Variants in TBL1XR1 observed in about 807,000 individuals in gnomAD.
TBL1XR1 encodes the protein TBL1X/Y related 1.
In TBL1XR1, 5 loss-of-function variants were observed where a neutral mutation model predicts 66.9. The ratio of observed to expected loss-of-function variants is 0.07; its 90% CI spans 0.04 to 0.16. The LOEUF (loss-of-function observed/expected upper bound fraction) is 0.16. Ranked by LOEUF, TBL1XR1 falls within the 10% of genes least tolerant of loss-of-function variation. The probability of loss-of-function intolerance (pLI) is 1.00; values close to 1 mark genes in which losing one functional copy is unlikely to be tolerated. For missense variants in TBL1XR1, 238 were observed against 623.2 expected (o/e 0.38, Z 6.58); for synonymous variants, 210 against 206.0 (o/e 1.02, Z -0.17).
At chr3:177,182,458 T>C (rs543456064) in intron 1 of TBL1XR1, among the ~76,000 whole-genome samples, 147 of 152,302 alleles carry the variant, frequency 9.7e-4, no homozygotes, top group African/African-American at 3.4e-3. Flanking sequence ...ACTGGATGTA[T>C]CTCCTTTCCA....
At chr3:177,145,620 A>G (rs541969479) in intron 1 of TBL1XR1, among the ~76,000 whole-genome samples, 2 of 152,378 alleles carry the variant, frequency 1.3e-5, no homozygotes, top group African/African-American at 4.8e-5. Context: ...CATGTACTTG[A>G]AAAGTGAAAC....
chr3:177,131,294 T>TAA, intron 1 of TBL1XR1: 6 of 977,750 alleles, frequency 6.1e-6, no homozygotes, highest in Non-Finnish European at 7.3e-6. Context: ...TGCCTAATCA[T>TAA]AAAGACCCTT....
At chr3:177,035,885 G>A (rs1180141441) in intron 12 of TBL1XR1, among the ~76,000 whole-genome samples, 2 of 152,168 alleles carry the variant, frequency 1.3e-5, no homozygotes, top group African/African-American at 2.4e-5. Flanking sequence ...CCGCTAGTGA[G>A]ACTCAAATTT....
chr3:177,037,084 A>G (rs545876535), intron 12 of TBL1XR1, among the ~76,000 whole-genome samples: 1 of 152,330 alleles, frequency 6.6e-6, no homozygotes. Context: ...GGATGTTGGT[A>G]TGTCAACTAG....
rs1717405039 is a variant in TBL1XR1, at chr3:177,053,636, A to G, written c.204+137T>C. 6 of 788,188 alleles carry G rather than the reference A, an allele frequency of 7.6e-6. No individual in the cohort carries two copies. The South Asian group carries it at 8.9e-5, about 12-fold the overall frequency. The allele number at this position is 788,188 out of a possible 1,614,324, so 48.8% of individuals were successfully genotyped here. A position where few individuals can be genotyped will look rare whatever the true frequency, so the allele number is the denominator to read the frequency against. ...ACCTTGCCGGTGCAACCTGACTACC[A>G]CATTAGGGATGAACTGCCTGCACTT... On this transcript the variant is annotated intron_variant, in intron 4 of 15. Transcript: ENST00000457928.
intron 1 of TBL1XR1, among the ~76,000 whole-genome samples, chr3:177,190,200 T>G (rs946659343): frequency 6.7e-6 from 1 of 148,552 alleles, no homozygotes; most frequent in Non-Finnish European, 1.5e-5. Context: ...CCTAACTACC[T>G]GACACATATA....
chr3:177,040,841 T>A (rs1438942686), intron 10 of TBL1XR1, among the ~76,000 whole-genome samples: 1 of 152,104 alleles, frequency 6.6e-6, no homozygotes, highest in African/African-American at 2.4e-5. Context: ...AGGACACCAC[T>A]TGGATAGAGT....
chr3:177,146,556 C>CTCCA (rs1730270168), intron 1 of TBL1XR1, among the ~76,000 whole-genome samples: 1 of 125,904 alleles, frequency 7.9e-6, no homozygotes, highest in African/African-American at 3.0e-5. Flanking sequence ...CGCCACTGCA[C>CTCCA]TCCAGCCTGG....
At chr3:177,143,647 T>C (rs1389538089) in intron 1 of TBL1XR1, among the ~76,000 whole-genome samples, 1 of 152,218 alleles carries the variant, frequency 6.6e-6, no homozygotes, top group African/African-American at 2.4e-5. Context: ...CTCATTAAAT[T>C]ATTGTAACTA....
chr3:177,131,407 C>T (rs1184293774), intron 1 of TBL1XR1: 5 of 985,186 alleles, frequency 5.1e-6, no homozygotes, highest in Non-Finnish European at 6.0e-6. Flanking sequence ...GAGCTCAATA[C>T]TGCATAAAGT....
At chr3:177,166,046 C>A (rs375858101) in intron 1 of TBL1XR1, among the ~76,000 whole-genome samples, 1 of 152,138 alleles carries the variant, frequency 6.6e-6, no homozygotes, top group East Asian at 1.9e-4. Context: ...GCCAAGATAA[C>A]CTCACTGCAC....
intron 2 of TBL1XR1, among the ~76,000 whole-genome samples, chr3:177,097,479 A>AT (rs1723643360): frequency 6.6e-6 from 1 of 152,210 alleles, no homozygotes; most frequent in African/African-American, 2.4e-5. Flanking sequence ...CCTAAGTTTT[A>AT]TAAGAGTACT....
intron 1 of TBL1XR1, among the ~76,000 whole-genome samples, chr3:177,189,122 C>T (rs1307481767): frequency 1.3e-5 from 2 of 151,928 alleles, no homozygotes; most frequent in African/African-American, 2.4e-5. Flanking sequence ...GCAGTAGAAT[C>T]GCTTGAACCC....
chr3:177,086,366 G>A lies in TBL1XR1; in HGVS notation c.-46+12100C>T, dbSNP rs182258568. Among the ~76,000 whole-genome samples the A allele has an allele frequency of 1.2e-4, 18 of 151,678 alleles. No homozygotes were observed. The East Asian group carries it at 2.3e-3, about 20-fold the overall frequency. On this transcript the variant is annotated intron_variant, in intron 2 of 15. Coordinates refer to ENST00000457928, the MANE Select transcript of TBL1XR1 (RefSeq NM_024665.7). ...TTATGTCCAAGTGTTCAACAGCTACGTATTTCTAGTGGTTACCATACTGGG... is the reference window on the plus strand; with the variant it reads ...TTATGTCCAAGTGTTCAACAGCTACATATTTCTAGTGGTTACCATACTGGG...
intron 3 of TBL1XR1, among the ~76,000 whole-genome samples, chr3:177,056,018 G>C (rs951845514): frequency 8.5e-5 from 13 of 152,266 alleles, no homozygotes; most frequent in African/African-American, 2.6e-4. Flanking sequence ...ATATGGTCAA[G>C]GATAAAGCTA....
chr3:177,191,108 C>G (rs900760803), intron 1 of TBL1XR1, among the ~76,000 whole-genome samples: 1 of 152,064 alleles, frequency 6.6e-6, no homozygotes, highest in Non-Finnish European at 1.5e-5. Context: ...TTTGAGAGGC[C>G]GGCAAGAATC....
chr3:177,153,996 C>A lies in TBL1XR1; in HGVS notation c.-122+43125G>T, dbSNP rs912506126. Reference sequence around the variant, plus strand: ...AGTGCTAATAATTACTAAATCAAGGCGCCAAGAAAAAAAAAGAACAGATAA... The same window carrying A: ...AGTGCTAATAATTACTAAATCAAGGAGCCAAGAAAAAAAAAGAACAGATAA... On this transcript the variant is annotated intron_variant, in intron 1 of 15. Coordinates refer to ENST00000457928, the MANE Select transcript of TBL1XR1 (RefSeq NM_024665.7). 2.0e-5 allele frequency among the ~76,000 whole-genome samples: 3 copies of A among 148,454 alleles called. No individual in the cohort carries two copies. The South Asian group carries it at 6.4e-4, about 32-fold the overall frequency.
At chr3:177,198,427 A>G (rs576600657), upstream of TBL1XR1, among the ~76,000 whole-genome samples, 30 of 152,350 alleles carry the variant, frequency 2.0e-4, no homozygotes, top group African/African-American at 7.0e-4. Flanking sequence ...CATCCACAGT[A>G]GAAGTTTATC....
intron 1 of TBL1XR1, among the ~76,000 whole-genome samples, chr3:177,115,418 G>C (rs567565553): frequency 6.6e-6 from 1 of 152,176 alleles, no homozygotes; most frequent in East Asian, 1.9e-4. Context: ...AGTCTTGGAA[G>C]GCACAAAAAC....
Sources: gnomAD v4.1 joint callset for allele counts (sites outside exome capture counted in the v4.1 genomes callset) on GRCh38, gnomAD v4.1.1 for gene constraint, MANE v1.5 for transcripts, NCBI Gene and HGNC (gene_info 2026-07-23, HGNC 2026-07-21) for gene names.